Variants in PLEKHG3 observed in about 807,000 individuals in gnomAD.
PLEKHG3 encodes pleckstrin homology domain-containing family G member 3.
In PLEKHG3, 62 loss-of-function variants were observed where a neutral mutation model predicts 94.9. That is an observed-to-expected ratio of 0.65 (90% CI 0.53 to 0.81). The LOEUF is 0.81. Ranked by LOEUF, PLEKHG3 falls within the 30% of genes least tolerant of loss-of-function variation. PLEKHG3 has a pLI of 0.00. For missense variants in PLEKHG3, 1,461 were observed against 1,619.3 expected (o/e 0.90, Z 1.68); for synonymous variants, 614 against 654.0 (o/e 0.94, Z 0.93).
At position 64,742,004 on chromosome 14, in the gene PLEKHG3, G is replaced by A; in HGVS notation, c.2487G>A (p.Gly829=). 6.4e-7 allele frequency: 1 copy of A among 1,572,164 alleles called. No homozygotes were observed. Among genetic ancestry groups the A allele is most frequent in the Admixed American group, 1.9e-5 (1 of 53,918 alleles). The change falls in exon 16 of 17, where the codon GGG becomes GGA. Residue 829 remains glycine (G), a synonymous_variant. Transcript: ENST00000247226. The part of the protein sequence containing the change: ...EGMESSGGSP[G]KGPGQGQANG... Reference sequence around the variant, plus strand: ...TGGAGTCTTCCGGAGGGAGCCCTGGGAAGGGGCCAGGCCAGGGCCAGGCCA... The same window carrying A: ...TGGAGTCTTCCGGAGGGAGCCCTGGAAAGGGGCCAGGCCAGGGCCAGGCCA...
Position 64,730,590 on chromosome 14 carries a change from T to G in PLEKHG3, c.520-52T>G, listed in dbSNP as rs768964272. 2.9e-5 allele frequency: 43 copies of G among 1,487,890 alleles called. No individual in the cohort carries two copies. Among genetic ancestry groups the G allele is most frequent in the Non-Finnish European group, 3.9e-5 (42 of 1,065,788 alleles). 92.2% of individuals were successfully genotyped at this position (1,487,890 alleles called of 1,614,324 possible). A position where few individuals can be genotyped will look rare whatever the true frequency, so the allele number is the denominator to read the frequency against. ...AGGGGCCTATCTGCTACCACCATCT[T>G]TACTGTCAAATGAGAATCTCCCTGA... On this transcript the variant is annotated intron_variant, in intron 4 of 16. Transcript: ENST00000247226. The surrounding 1 kb of genome is among the most constrained non-coding windows in gnomAD (Gnocchi z 5.4).
chr14:64,729,333 C>A (rs1269944755), intron 3 of PLEKHG3, among the ~76,000 whole-genome samples: 1 of 152,212 alleles, frequency 6.6e-6, no homozygotes, highest in East Asian at 1.9e-4. Flanking sequence ...GAGCCGGTGC[C>A]CCCTCAAGGG....
chr14:64,741,018 T>C lies in PLEKHG3; in HGVS notation c.1519-18T>C. On this transcript the variant is annotated intron_variant, in intron 15 of 16. Coordinates refer to ENST00000247226, the MANE Select transcript of PLEKHG3 (RefSeq NM_001308147.2). ...AGGAGGCTTTTTACTCATGTGAGCC[T>C]TTTCTGCTATGTTTCAGGTTGAGCC... 2 of 1,547,268 alleles carry C rather than the reference T, an allele frequency of 1.3e-6. No individual in the cohort carries two copies. The highest frequency in any genetic ancestry group is 2.5e-5 in the South Asian group (2 of 80,782).
At chr14:64,740,074 G>A (rs988457224) in intron 15 of PLEKHG3, among the ~76,000 whole-genome samples, 1 of 152,158 alleles carries the variant, frequency 6.6e-6, no homozygotes, top group Non-Finnish European at 1.5e-5. Flanking sequence ...TTACTGATAT[G>A]TTTTATCCCT....
intron 1 of PLEKHG3, among the ~76,000 whole-genome samples, chr14:64,712,539 C>T (rs12884903): frequency 0.068 from 10,401 of 152,182 alleles, 393 homozygotes; most frequent in Non-Finnish European, 0.086. Context: ...ACACTTCTTT[C>T]GTTAAATATA....
At chr14:64,735,778 C>T (rs535269530) in intron 12 of PLEKHG3, among the ~76,000 whole-genome samples, 2 of 152,328 alleles carry the variant, frequency 1.3e-5, no homozygotes, top group Admixed American at 1.3e-4. Context: ...GAGGTTTTTT[C>T]TGCTTCTGCT....
chr14:64,731,200 GCAGGGCTGGGT>G lies in PLEKHG3; in HGVS notation c.849+32_849+42del. The G allele has an allele frequency of 6.7e-7, 1 of 1,500,372 alleles. No homozygotes were observed. The highest frequency in any genetic ancestry group is 9.2e-7 in the Non-Finnish European group (1 of 1,081,922). 92.9% of individuals were successfully genotyped at this position (1,500,372 alleles called of 1,614,324 possible). A position where few individuals can be genotyped will look rare whatever the true frequency, so the allele number is the denominator to read the frequency against. On this transcript the variant is annotated intron_variant, in intron 7 of 16. Transcript: ENST00000247226. The surrounding 1 kb of genome is among the most constrained non-coding windows in gnomAD (Gnocchi z 6.1). Reference sequence around the variant, plus strand: ...CTGGGGCTGGGACGCTGGGGGAGGGGCAGGGCTGGGTGGGCCAGGCTTCCGCTGGGAAGAGG... The same window carrying G: ...CTGGGGCTGGGACGCTGGGGGAGGGGGGGCCAGGCTTCCGCTGGGAAGAGG...
At position 64,718,766 on chromosome 14, in the gene PLEKHG3, C is replaced by G. The variant is rs916828427; in HGVS notation, c.-39-8827C>G. Among the ~76,000 whole-genome samples the G allele has an allele frequency of 1.3e-5, 2 of 152,146 alleles. No individual in the cohort carries two copies. On this transcript the variant is annotated intron_variant, in intron 1 of 16. Transcript: ENST00000247226. The surrounding 1 kb of genome is among the most constrained non-coding windows in gnomAD (Gnocchi z 5.0). ...GGAATGGGTCCGCACTAGAGCCTTTCCCAGTACCTTGCTGTTTTGTCTTAT... is the reference window on the plus strand; with the variant it reads ...GGAATGGGTCCGCACTAGAGCCTTTGCCAGTACCTTGCTGTTTTGTCTTAT...
Position 64,717,830 on chromosome 14 carries a change from G to A in PLEKHG3, c.-39-9763G>A, listed in dbSNP as rs1427602711. On this transcript the variant is annotated intron_variant, in intron 1 of 16. Transcript: ENST00000247226. The surrounding 1 kb of genome is among the most constrained non-coding windows in gnomAD (Gnocchi z 4.7). ...CACCTGCAGCCACAGCCCATATCATGGTTTGGACCTTTTTAGGGCACATTC... is the reference window on the plus strand; with the variant it reads ...CACCTGCAGCCACAGCCCATATCATAGTTTGGACCTTTTTAGGGCACATTC... Among the ~76,000 whole-genome samples the A allele has an allele frequency of 6.6e-6, 1 of 152,224 alleles. No individual in the cohort carries two copies.
At position 64,741,616 on chromosome 14, in the gene PLEKHG3, C is replaced by G. The variant is rs142605456; in HGVS notation, c.2099C>G (p.Ser700Cys). ...SPGCPVEPDR[S>C]SCKKKESALS... ...GGCTGCCCAGTGGAGCCTGACCGGT[C>G]TTCCTGCAAGAAGAAGGAATCAGCA... Residue 700 changes from serine to cysteine, a missense_variant, in exon 16 of 17, where the codon TCT (serine) becomes TGT (cysteine). This residue lies in a region of PLEKHG3 where 1,201 missense variants were observed against 1,295.5 expected (regional missense o/e 0.93). Transcript: ENST00000247226. The G allele has an allele frequency of 6.2e-7, 1 of 1,612,950 alleles. No individual in the cohort carries two copies. The highest frequency in any genetic ancestry group is 8.5e-7 in the Non-Finnish European group (1 of 1,180,008).
intron 1 of PLEKHG3, among the ~76,000 whole-genome samples, chr14:64,706,717 G>A (rs1413181533): frequency 2.6e-5 from 4 of 152,232 alleles, no homozygotes; most frequent in Non-Finnish European, 4.4e-5. Flanking sequence ...TACCAAATCC[G>A]CAGCTATCCC....
At chr14:64,710,471 A>G (rs1293643558) in intron 1 of PLEKHG3, among the ~76,000 whole-genome samples, 3 of 152,186 alleles carry the variant, frequency 2.0e-5, no homozygotes, top group Non-Finnish European at 2.9e-5. Flanking sequence ...GGAGTTTGAG[A>G]CCAGCTTGGC....
intron 3 of PLEKHG3, 59 bp downstream of exon 3, chr14:64,729,152 A>G: frequency 1.3e-6 from 1 of 740,788 alleles, no homozygotes; most frequent in Non-Finnish European, 2.3e-6. Flanking sequence ...CTCAGGGCCT[A>G]GGGAGGAACC....
At chr14:64,724,542 C>T (rs566067411) in intron 1 of PLEKHG3, among the ~76,000 whole-genome samples, 3 of 152,260 alleles carry the variant, frequency 2.0e-5, no homozygotes, top group Non-Finnish European at 2.9e-5. Context: ...ATCCTTTGAC[C>T]GGGAATCTGT....
chr14:64,736,716 G>T (rs1389334667), intron 12 of PLEKHG3, 137 bp from the exon 13 acceptor site: 1 of 729,472 alleles, frequency 1.4e-6, no homozygotes, highest in Non-Finnish European at 2.5e-6. Flanking sequence ...CAGCTTCCCT[G>T]GGGCCTATGA....
chr14:64,737,951 GGAGGAA>G lies in PLEKHG3; in HGVS notation c.1404+588_1404+593del, dbSNP rs1356265351. 8.9e-6 allele frequency: 11 copies of G among 1,235,604 alleles called. No homozygotes were observed. In the East Asian group the frequency reaches 2.8e-4, roughly 31 times the overall value. The allele number at this position is 1,235,604 out of a possible 1,614,324, so 76.5% of individuals were successfully genotyped here. On this transcript the variant is annotated intron_variant, in intron 14 of 16. Transcript: ENST00000247226. Reference sequence around the variant, plus strand: ...CAGAGGCTGAAGGGGCTACCCAGGAGGAGGAAGAGGAAGAGGAGGAGGTGGTGGAGG... The same window carrying G: ...CAGAGGCTGAAGGGGCTACCCAGGAGGAGGAAGAGGAGGAGGTGGTGGAGG...
chr14:64,729,247 G>A (rs2081411391), intron 3 of PLEKHG3, among the ~76,000 whole-genome samples, 154 bp downstream of exon 3: 1 of 152,114 alleles, frequency 6.6e-6, no homozygotes, highest in Non-Finnish European at 1.5e-5. Flanking sequence ...CCATCTCTGT[G>A]CCCTGGGCTG....
chr14:64,716,744 G>A lies in PLEKHG3; in HGVS notation c.-39-10849G>A, dbSNP rs895172221. Among the ~76,000 whole-genome samples the A allele has an allele frequency of 1.3e-5, 2 of 152,160 alleles. No homozygotes were observed. The highest frequency in any genetic ancestry group is 1.3e-4 in the Admixed American group (2 of 15,290). On this transcript the variant is annotated intron_variant, in intron 1 of 16. Coordinates refer to ENST00000247226, the MANE Select transcript of PLEKHG3 (RefSeq NM_001308147.2). The surrounding 1 kb of genome is among the most constrained non-coding windows in gnomAD (Gnocchi z 5.0). ...ACCACTTCATAGTTCAGAGCAGCAG[G>A]AGTGTGGAGGTCGGGGCAGATCGAC...
Position 64,732,149 on chromosome 14 carries a change from C to T in PLEKHG3, c.1180C>T (p.Leu394=). The T allele has an allele frequency of 6.2e-7, 1 of 1,613,992 alleles. No homozygotes were observed. The highest frequency in any genetic ancestry group is 8.5e-7 in the Non-Finnish European group (1 of 1,179,914). Residue 394 remains leucine, a synonymous_variant, in exon 10 of 17, where the codon CTA becomes TTA. Transcript: ENST00000247226. The surrounding 1 kb of genome is among the most constrained non-coding windows in gnomAD (Gnocchi z 4.9). ...NWTHHIKRLI[L]ENHHATIPQK... ...GACTCACCACATCAAGAGGCTCATCCTAGAGAACCACCATGCCACCATTCC... is the reference window on the plus strand; with the variant it reads ...GACTCACCACATCAAGAGGCTCATCTTAGAGAACCACCATGCCACCATTCC...
Sources: gnomAD v4.1 joint callset for allele counts (sites outside exome capture counted in the v4.1 genomes callset) on GRCh38, gnomAD v4.1.1 for gene constraint, gnomAD v4.1.1 regional missense constraint, Gnocchi (gnomAD v3.1) non-coding constraint, MANE v1.5 for transcripts, NCBI Gene and HGNC (gene_info 2026-07-23, HGNC 2026-07-21) for gene names.